PTCHD4: variants seen among roughly 807,000 people sequenced by gnomAD.
PTCHD4 encodes patched domain containing 4, also known as patched domain-containing protein 4.
A neutral mutation model predicts 58.1 loss-of-function variants in PTCHD4; 33 were observed. The ratio of observed to expected loss-of-function variants is 0.57; its 90% CI spans 0.43 to 0.76. The LOEUF is 0.76. Among genes scored for constraint, PTCHD4 ranks in the 30% least tolerant of loss-of-function variants. The probability of loss-of-function intolerance (pLI) is 0.00; values close to 1 mark genes in which losing one functional copy is unlikely to be tolerated. For missense variants in PTCHD4, 1,058 were observed against 1,027.1 expected, an observed-to-expected ratio of 1.03 and a Z score of -0.41; for synonymous variants, 478 against 409.6, an observed-to-expected ratio of 1.17 and a Z score of -2.02.
intron 4 of PTCHD4, among the ~76,000 whole-genome samples, chr6:47,964,314 T>C (rs1008804525): frequency 6.6e-6 from 1 of 151,416 alleles, no homozygotes; most frequent in African/African-American, 2.4e-5. Context: ...TGTTAAGTGT[T>C]ATTACCACAT....
At chr6:48,104,708 T>C (rs546668240) in intron 1 of PTCHD4, among the ~76,000 whole-genome samples, 6 of 152,156 alleles carry the variant, frequency 3.9e-5, no homozygotes, top group African/African-American at 1.4e-4. Context: ...AGGAAACCTA[T>C]CTCATGTGCA....
intron 3 of PTCHD4, among the ~76,000 whole-genome samples, chr6:48,010,283 TA>T (rs1762620336): frequency 1.3e-5 from 2 of 151,886 alleles, no homozygotes; most frequent in South Asian, 4.2e-4. Context: ...TATAAAGGGG[TA>T]AAATCAGGAG....
intron 1 of PTCHD4, among the ~76,000 whole-genome samples, chr6:48,110,809 A>T (rs1005177326): frequency 6.8e-6 from 1 of 147,594 alleles, no homozygotes; most frequent in African/African-American, 2.5e-5. Context: ...ATATATATAT[A>T]TAATATTTTT....
In PTCHD4 at chr6:47,950,565, C is replaced by T. The variant is rs367951637; in HGVS notation, c.898+58069G>A. Among the ~76,000 whole-genome samples, 11 of 152,048 alleles carry T rather than the reference C, an allele frequency of 7.2e-5. No homozygotes were observed. In the East Asian group the frequency reaches 1.9e-3, roughly 27 times the overall value. On this transcript the variant is annotated intron_variant, in intron 4 of 4. Coordinates refer to ENST00000339488, the MANE Select transcript of PTCHD4 (RefSeq NM_001384253.1). ...AATAGTGGAAGAGTTACCTAAGAAGCGAAGCAGATTTTCAATGAGGTTTTA... is the reference window on the plus strand; with the variant it reads ...AATAGTGGAAGAGTTACCTAAGAAGTGAAGCAGATTTTCAATGAGGTTTTA...
At chr6:47,884,013 T>C (rs2114108045) in intron 4 of PTCHD4, among the ~76,000 whole-genome samples, 1 of 152,306 alleles carries the variant, frequency 6.6e-6, no homozygotes, top group South Asian at 2.1e-4. Flanking sequence ...CAGAATCCCG[T>C]AACACAGAAA....
At chr6:47,920,106 T>C (rs140491533) in intron 4 of PTCHD4, among the ~76,000 whole-genome samples, 39 of 152,228 alleles carry the variant, frequency 2.6e-4, no homozygotes, top group African/African-American at 8.9e-4. Flanking sequence ...AGTTCAAGTA[T>C]TGATTGTTTA....
In PTCHD4 at chr6:47,876,209, G is replaced by C. The variant is rs1414431151; in HGVS notation, c.*2094C>G. Reference sequence around the variant, plus strand: ...TTCATTCTAGTACAGCAGTTCATGAGGCAAAAGGCTAGGAGTATTTGTGAC... The same window carrying C: ...TTCATTCTAGTACAGCAGTTCATGACGCAAAAGGCTAGGAGTATTTGTGAC... On this transcript the variant is annotated 3_prime_UTR_variant, in exon 5 of 5. Coordinates refer to ENST00000339488, the MANE Select transcript of PTCHD4 (RefSeq NM_001384253.1). 6.6e-6 allele frequency among the ~76,000 whole-genome samples: 1 copy of C among 151,736 alleles called. No individual in the cohort carries two copies. The highest frequency in any genetic ancestry group is 1.5e-5 in the Non-Finnish European group (1 of 67,856).
intron 3 of PTCHD4, among the ~76,000 whole-genome samples, chr6:48,054,132 C>T (rs531517322): frequency 1.3e-5 from 2 of 152,166 alleles, no homozygotes; most frequent in South Asian, 4.2e-4. Flanking sequence ...TTGATTCAAT[C>T]GATCTTAAGA....
chr6:48,059,565 G>C (rs1488624640), intron 3 of PTCHD4, among the ~76,000 whole-genome samples: 2 of 152,052 alleles, frequency 1.3e-5, no homozygotes, highest in African/African-American at 4.8e-5. Context: ...CTTGAACCCG[G>C]GAGGCAGAGG....
At chr6:47,943,516 A>G (rs1483583082) in intron 4 of PTCHD4, among the ~76,000 whole-genome samples, 1 of 152,150 alleles carries the variant, frequency 6.6e-6, no homozygotes, top group Non-Finnish European at 1.5e-5. Flanking sequence ...TGTATTAATT[A>G]TCAAGCAAGA....
intron 4 of PTCHD4, among the ~76,000 whole-genome samples, chr6:47,885,418 T>C (rs1251936378): frequency 3.3e-5 from 5 of 152,116 alleles, no homozygotes; most frequent in Admixed American, 6.5e-5. Flanking sequence ...AACAATGATT[T>C]GGTAAGTTCT....
At chr6:48,050,972 AG>A (rs1366152931) in intron 3 of PTCHD4, among the ~76,000 whole-genome samples, 3 of 152,068 alleles carry the variant, frequency 2.0e-5, no homozygotes, top group Non-Finnish European at 4.4e-5. Context: ...ATAATCCTTA[AG>A]AAAAAAGAGA....
chr6:47,905,832 C>G (rs1213775593), intron 4 of PTCHD4, among the ~76,000 whole-genome samples: 1 of 152,182 alleles, frequency 6.6e-6, no homozygotes, highest in African/African-American at 2.4e-5. Context: ...CCTTTCTACC[C>G]TTTTTCTTGT....
chr6:47,977,707 T>C (rs1401598683), intron 4 of PTCHD4, among the ~76,000 whole-genome samples: 1 of 147,778 alleles, frequency 6.8e-6, no homozygotes, highest in Admixed American at 6.7e-5. Flanking sequence ...AAAACATATA[T>C]ATTTATAAAA....
intron 4 of PTCHD4, among the ~76,000 whole-genome samples, chr6:47,993,917 T>C (rs1768374915): frequency 6.6e-6 from 1 of 152,076 alleles, no homozygotes; most frequent in Non-Finnish European, 1.5e-5. Flanking sequence ...TACATTGAGG[T>C]ACTCAGACTA....
intron 4 of PTCHD4, among the ~76,000 whole-genome samples, chr6:47,937,855 G>A (rs768527075): frequency 3.3e-5 from 5 of 152,142 alleles, no homozygotes; most frequent in Non-Finnish European, 7.4e-5. Flanking sequence ...TGATAGGCAA[G>A]TAAAGAAAAT....
In PTCHD4 at chr6:47,859,652, C is replaced by T. The variant is rs1221374201; in HGVS notation, c.*18651G>A. Among the ~76,000 whole-genome samples, 1 of 151,722 alleles carries T rather than the reference C, an allele frequency of 6.6e-6. No homozygotes were observed. Among genetic ancestry groups the T allele is most frequent in the Non-Finnish European group, 1.5e-5 (1 of 67,916 alleles). ...TTTACAGAGCAGAAAAATATCTCTG[C>T]CCCCTTAGAGCTTTCAATTTACTGG... On this transcript the variant is annotated 3_prime_UTR_variant, in exon 5 of 5. Transcript: ENST00000339488.
At chr6:47,968,237 G>A (rs1387620318) in intron 4 of PTCHD4, among the ~76,000 whole-genome samples, 1 of 152,048 alleles carries the variant, frequency 6.6e-6, no homozygotes, top group Admixed American at 6.6e-5. Context: ...GGGAAAGGCT[G>A]GTCAATGGGG....
At chr6:48,022,057 A>G (rs1763089645) in intron 3 of PTCHD4, among the ~76,000 whole-genome samples, 1 of 152,102 alleles carries the variant, frequency 6.6e-6, no homozygotes, top group South Asian at 2.1e-4. Flanking sequence ...TAATCTTTTG[A>G]TAAAACAAAA....
Sources: allele counts gnomAD v4.1 joint callset (sites outside exome capture counted in the v4.1 genomes callset), GRCh38; gene constraint gnomAD v4.1.1; transcripts MANE v1.5; gene names NCBI Gene and HGNC (gene_info 2026-07-23, HGNC 2026-07-21).